PRR5L: variants seen among roughly 807,000 people sequenced by gnomAD.
The protein encoded by PRR5L is proline-rich protein 5-like.
A neutral mutation model predicts 36.4 loss-of-function variants in PRR5L; 21 were observed. That is an observed-to-expected ratio of 0.58 (90% confidence interval 0.41 to 0.83). PRR5L has a LOEUF of 0.83. Ranked by LOEUF, PRR5L falls within the 40% of genes least tolerant of loss-of-function variation. The pLI, the probability that PRR5L is intolerant of heterozygous loss-of-function variation, is 0.00. For missense variants in PRR5L, 381 were observed against 473.3 expected, an observed-to-expected ratio of 0.80 and a Z score of 1.81; for synonymous variants, 188 against 197.0, an observed-to-expected ratio of 0.95 and a Z score of 0.38.
intron 1 of PRR5L, chr11:36,376,245 G>A: frequency 8.0e-7 from 1 of 1,252,582 alleles, no homozygotes; most frequent in Non-Finnish European, 1.1e-6. Context: ...GAAGTGAGTT[G>A]GGGGACATTG....
chr11:36,323,390 T>C (rs1173454140), intron 1 of PRR5L: 1 of 152,272 alleles, frequency 6.6e-6, no homozygotes, highest in Non-Finnish European at 1.5e-5. Flanking sequence ...GGTAGCAGGG[T>C]TGAGCATCAA....
At chr11:36,406,890 C>G (rs1857922947) in intron 3 of PRR5L, among the ~76,000 whole-genome samples, 1 of 152,088 alleles carries the variant, frequency 6.6e-6, no homozygotes, top group Non-Finnish European at 1.5e-5. Flanking sequence ...TCAGAGAGAC[C>G]AGGGATCAAG....
At chr11:36,391,301 G>C (rs1857560575) in intron 1 of PRR5L, among the ~76,000 whole-genome samples, 1 of 152,212 alleles carries the variant, frequency 6.6e-6, no homozygotes, top group East Asian at 1.9e-4. Flanking sequence ...ACTAAGTGCA[G>C]CATCTTCCTC....
chr11:36,419,743 G>A (rs112816252), intron 4 of PRR5L, among the ~76,000 whole-genome samples: 35 of 152,288 alleles, frequency 2.3e-4, no homozygotes, highest in African/African-American at 8.2e-4. Context: ...AAGACAGTTG[G>A]ATTCTTATAT....
intron 1 of PRR5L, among the ~76,000 whole-genome samples, chr11:36,309,267 C>T (rs1223648658): frequency 6.6e-6 from 1 of 152,118 alleles, no homozygotes; most frequent in Admixed American, 6.5e-5. Context: ...AGCATCAACG[C>T]CAAGAAATTA....
chr11:36,303,163 G>A (rs745774276), intron 1 of PRR5L, among the ~76,000 whole-genome samples: 3 of 152,154 alleles, frequency 2.0e-5, no homozygotes, highest in African/African-American at 7.2e-5. Context: ...GGAAGCAACC[G>A]TACACATCCA....
chr11:36,355,990 C>A (rs1423573967), intron 1 of PRR5L, among the ~76,000 whole-genome samples: 1 of 152,032 alleles, frequency 6.6e-6, no homozygotes, highest in Non-Finnish European at 1.5e-5. Context: ...CAGCTCACTG[C>A]AGCCTTGACC....
chr11:36,363,928 T>C (rs1235492204), intron 1 of PRR5L, among the ~76,000 whole-genome samples: 9 of 152,256 alleles, frequency 5.9e-5, no homozygotes, highest in Non-Finnish European at 8.8e-5. Context: ...GGTCTACAGA[T>C]GGCTCTGCCT....
chr11:36,322,070 A>G (rs1476872793), intron 1 of PRR5L, among the ~76,000 whole-genome samples: 1 of 152,220 alleles, frequency 6.6e-6, no homozygotes, highest in African/African-American at 2.4e-5. Flanking sequence ...TAATCAACCC[A>G]TAACAGTCTC....
intron 3 of PRR5L, among the ~76,000 whole-genome samples, chr11:36,417,829 GAAACTTGA>G (rs1324737367): frequency 3.9e-5 from 6 of 152,196 alleles, no homozygotes; most frequent in African/African-American, 1.4e-4. Context: ...AGCGTCGTCA[GAAACTTGA>G]GCATTTGCTC....
rs989189295 is a variant in PRR5L, at chr11:36,455,056, C to T, written c.712+3721C>T. On this transcript the variant is annotated intron_variant, in intron 8 of 8. Coordinates refer to ENST00000530639, the MANE Select transcript of PRR5L (RefSeq NM_001160167.2). The stretch of plus-strand genomic sequence containing the variant: ...CCTCCCGAGCACACACTCAGCAGCA[C>T]GCTCGACTTCTCCCACACAAAGGCC... 9.2e-5 allele frequency among the ~76,000 whole-genome samples: 14 copies of T among 152,338 alleles called. No individual in the cohort carries two copies. The East Asian group carries it at 1.4e-3, about 15-fold the overall frequency.
chr11:36,348,043 T>C (rs1856885248), intron 1 of PRR5L, among the ~76,000 whole-genome samples: 1 of 152,224 alleles, frequency 6.6e-6, no homozygotes, highest in Admixed American at 6.5e-5. Flanking sequence ...TTTTCCAGTA[T>C]GTCTGGCACA....
intron 1 of PRR5L, chr11:36,323,493 T>C (rs1471861713): frequency 6.6e-6 from 1 of 152,246 alleles, no homozygotes; most frequent in Admixed American, 6.5e-5. Flanking sequence ...TGCCTCCAAC[T>C]GCAACCAGAG....
chr11:36,328,571 A>G (rs1226786014), intron 1 of PRR5L, among the ~76,000 whole-genome samples: 1 of 152,172 alleles, frequency 6.6e-6, no homozygotes, highest in Non-Finnish European at 1.5e-5. Context: ...TGCCAACATC[A>G]TGCTTCCTAT....
chr11:36,387,278 G>C (rs892616564), intron 1 of PRR5L, among the ~76,000 whole-genome samples: 2 of 152,178 alleles, frequency 1.3e-5, no homozygotes, highest in African/African-American at 2.4e-5. Flanking sequence ...TGGAGTGTGG[G>C]GAGGAGGAAG....
At chr11:36,313,245 A>G (rs1019045831) in intron 1 of PRR5L, among the ~76,000 whole-genome samples, 1 of 152,222 alleles carries the variant, frequency 6.6e-6, no homozygotes, top group African/African-American at 2.4e-5. Flanking sequence ...ACCTTGGTCA[A>G]GAAATGTACC....
chr11:36,357,819 C>A (rs1857044444), intron 1 of PRR5L, among the ~76,000 whole-genome samples: 1 of 152,220 alleles, frequency 6.6e-6, no homozygotes, highest in Admixed American at 6.5e-5. Context: ...CCTGCTAACA[C>A]AACATCCGTT....
chr11:36,421,332 G>A (rs1195322021), intron 4 of PRR5L, among the ~76,000 whole-genome samples: 8 of 152,064 alleles, frequency 5.3e-5, no homozygotes, highest in Non-Finnish European at 4.4e-5. Context: ...TTTTGGGGGC[G>A]GTTAATACTG....
intron 1 of PRR5L, among the ~76,000 whole-genome samples, chr11:36,303,469 C>T (rs1856398289): frequency 6.6e-6 from 1 of 152,220 alleles, no homozygotes; most frequent in African/African-American, 2.4e-5. Flanking sequence ...AGACTGTTGT[C>T]CACCCAACCT....
Sources: allele counts gnomAD v4.1 joint callset (sites outside exome capture counted in the v4.1 genomes callset), GRCh38; gene constraint gnomAD v4.1.1; transcripts MANE v1.5; gene names NCBI Gene and HGNC (gene_info 2026-07-23, HGNC 2026-07-21).